Variants in RUSC2 observed in about 807,000 individuals in gnomAD.
RUSC2 encodes the protein AP-4 complex accessory subunit RUSC2.
Under a neutral mutation model 122.2 loss-of-function variants are expected in RUSC2, and 34 were observed. The observed-to-expected ratio is 0.28, with a 90% CI of 0.21 to 0.37. The LOEUF (loss-of-function observed/expected upper bound fraction) is 0.37. RUSC2 is among the 10% of genes least tolerant of loss of function. RUSC2 has a pLI of 1.00. For synonymous variants in RUSC2, 784 were observed against 790.0 expected, an observed-to-expected ratio of 0.99 and a Z score of 0.13; for missense variants, 1,747 against 1,952.4, an observed-to-expected ratio of 0.89 and a Z score of 1.98.
chr9:35,531,802 G>A (rs998814140), intron 1 of RUSC2, among the ~76,000 whole-genome samples: 5 of 152,194 alleles, frequency 3.3e-5, no homozygotes, highest in Non-Finnish European at 2.9e-5. Context: ...AAGGCAGGCG[G>A]ATCACGAGGT....
Position 35,561,343 on chromosome 9 carries a change from C to T in RUSC2, c.4512C>T (p.Thr1504=), listed in dbSNP as rs1305105619. ...TGCCCCTGGCCTACGTGACATTGAC[C>T]CCAACTCCAAGTCCAACCCCTGGAA... ...GLVPLAYVTL[T]PTPSPTPGSS... Residue 1504 remains threonine (T), a synonymous_variant, in exon 12 of 12, where the codon ACC becomes ACT. Transcript: ENST00000361226. 3.7e-6 allele frequency: 6 copies of T among 1,613,866 alleles called. No homozygotes were observed. In the African/African-American group the frequency reaches 6.7e-5, roughly 18 times the overall value.
intron 1 of RUSC2, among the ~76,000 whole-genome samples, chr9:35,512,852 G>A (rs1165876037): frequency 6.6e-6 from 1 of 152,022 alleles, no homozygotes; most frequent in African/African-American, 2.4e-5. Context: ...GACAATTTTT[G>A]TAAAACCTCT....
chr9:35,524,922 G>C (rs902343427), intron 1 of RUSC2, among the ~76,000 whole-genome samples: 2 of 150,864 alleles, frequency 1.3e-5, no homozygotes, highest in Non-Finnish European at 2.9e-5. Context: ...AGTAAGCCAA[G>C]ATCGCACCAC....
At chr9:35,551,230 A>G (rs1479983382) in intron 2 of RUSC2, among the ~76,000 whole-genome samples, 1 of 152,242 alleles carries the variant, frequency 6.6e-6, no homozygotes, top group Non-Finnish European at 1.5e-5. Flanking sequence ...GCCAGATCTC[A>G]GAGGGTTTAG....
intron 1 of RUSC2, among the ~76,000 whole-genome samples, chr9:35,543,094 C>T (rs1289055950): frequency 6.6e-6 from 1 of 151,956 alleles, no homozygotes; most frequent in Non-Finnish European, 1.5e-5. Flanking sequence ...CCAGGGGAAA[C>T]GTAGTTATGT....
intron 1 of RUSC2, among the ~76,000 whole-genome samples, chr9:35,544,307 CTTT>C (rs55870659): frequency 2.7e-5 from 3 of 113,106 alleles, no homozygotes; most frequent in African/African-American, 6.8e-5. Context: ...GATCATATGT[CTTT>C]TTTTTTTTTT....
intron 1 of RUSC2, among the ~76,000 whole-genome samples, chr9:35,531,666 G>T (rs972446012): frequency 1.2e-4 from 18 of 152,322 alleles, no homozygotes; most frequent in Middle Eastern, 3.4e-3. Flanking sequence ...TTAGAGAGTG[G>T]TTATATGGAT....
At position 35,547,141 on chromosome 9, in the gene RUSC2, G is replaced by T. The variant is rs751304554; in HGVS notation, c.620G>T (p.Gly207Val). ...ACTATGGAGCTGGATGAGTGTGGGG[G>T]ACCTGGTGGGAGTGGCAGTGGGGGT... Reference protein sequence around the residue: ...AETMELDECGGPGGSGSGGGA... With the variant: ...AETMELDECGVPGGSGSGGGA... The change falls in exon 2 of 12, where the codon GGA (glycine) becomes GTA (valine). Residue 207 changes from glycine to valine, a missense_variant. Physicochemically the swap from Gly to Val is moderately radical, Grantham distance 109 (BLOSUM62 -3). Coordinates refer to ENST00000361226, the MANE Select transcript of RUSC2 (RefSeq NM_014806.5). This position sits in a 1 kb window ranked among gnomAD's most constrained non-coding sequence, Gnocchi z 4.6. The T allele has an allele frequency of 1.3e-5, 21 of 1,614,196 alleles. No individual in the cohort carries two copies. The South Asian group carries it at 2.3e-4, about 18-fold the overall frequency.
chr9:35,552,085 G>T (rs1821911785), intron 2 of RUSC2, among the ~76,000 whole-genome samples: 1 of 152,104 alleles, frequency 6.6e-6, no homozygotes, highest in African/African-American at 2.4e-5. Context: ...AGTAGGCCAG[G>T]TGTGGTGGCT....
intron 1 of RUSC2, among the ~76,000 whole-genome samples, chr9:35,514,805 A>T (rs1821073204): frequency 2.0e-5 from 3 of 152,164 alleles, no homozygotes; most frequent in Admixed American, 2.0e-4. Flanking sequence ...GGCCATCCTT[A>T]TGGCACAAGA....
rs1486315197 is a variant in RUSC2 at position 35,555,671 on chromosome 9, G to A, written c.2626G>A (p.Glu876Lys). Residue 876 changes from glutamate (E) to lysine (K), a missense_variant, in exon 3 of 12, where the codon GAG (glutamate) becomes AAG (lysine). Glu to Lys is a moderately conservative substitution (Grantham distance 56, BLOSUM62 1). Coordinates refer to ENST00000361226, the MANE Select transcript of RUSC2 (RefSeq NM_014806.5). The surrounding 1 kb of genome is among the most constrained non-coding windows in gnomAD (Gnocchi z 4.6). ...AGAGAGCCTGGCCCGGGGAGGTGGT[G>A]AGGGCAGCATGGCCACCAGGCCCAG... Reference protein sequence around the residue: ...RAESLARGGGEGSMATRPSNA... With the variant: ...RAESLARGGGKGSMATRPSNA... 16 of 1,601,482 alleles carry A rather than the reference G, an allele frequency of 1.0e-5. No homozygotes were observed. The highest frequency in any genetic ancestry group is 1.4e-5 in the Non-Finnish European group (16 of 1,179,216).
intron 8 of RUSC2, among the ~76,000 whole-genome samples, 199 bp from the exon 9 acceptor site, chr9:35,559,027 C>T (rs1822085087): frequency 6.6e-6 from 1 of 152,236 alleles, no homozygotes; most frequent in Non-Finnish European, 1.5e-5. Flanking sequence ...GACTCCACTC[C>T]AGGAGGAAAC....
intron 1 of RUSC2, among the ~76,000 whole-genome samples, chr9:35,543,607 T>C (rs1456904067): frequency 6.6e-6 from 1 of 152,198 alleles, no homozygotes; most frequent in Non-Finnish European, 1.5e-5. Context: ...CATGTTTATT[T>C]ACAAAAATGG....
chr9:35,491,827 T>TAGTCCCAGCAACTCAGGAGGCTGA lies in RUSC2; in HGVS notation c.-93+1680_-93+1703dup, dbSNP rs542631147. On this transcript the variant is annotated intron_variant, in intron 1 of 11. Coordinates refer to ENST00000361226, the MANE Select transcript of RUSC2 (RefSeq NM_014806.5). ...TACCGGGCATGGTGGTGTGCACATG[T>TAGTCCCAGCAACTCAGGAGGCTGA]AGTCCCAGCAACTCAGGAGGCTGAA... Among the ~76,000 whole-genome samples, 6 of 152,102 alleles carry TAGTCCCAGCAACTCAGGAGGCTGA rather than the reference T, an allele frequency of 3.9e-5. No individual in the cohort carries two copies. In the East Asian group the frequency reaches 5.8e-4, roughly 15 times the overall value.
intron 1 of RUSC2, among the ~76,000 whole-genome samples, chr9:35,539,449 T>C (rs186851530): frequency 6.6e-6 from 1 of 152,040 alleles, no homozygotes; most frequent in Non-Finnish European, 1.5e-5. Flanking sequence ...AAACAAAGGC[T>C]TAATAGGAGG....
chr9:35,545,344 G>A (rs61162598), intron 1 of RUSC2, among the ~76,000 whole-genome samples: 1 of 152,222 alleles, frequency 6.6e-6, no homozygotes, highest in Non-Finnish European at 1.5e-5. Flanking sequence ...TTACATGTGA[G>A]GAGTCGAAGG....
chr9:35,498,915 T>C (rs746014172), intron 1 of RUSC2, among the ~76,000 whole-genome samples: 2 of 151,744 alleles, frequency 1.3e-5, no homozygotes, highest in Non-Finnish European at 2.9e-5. Context: ...ACAATCCTTA[T>C]GGGATTGTTG....
chr9:35,524,049 C>T (rs563791819), intron 1 of RUSC2, among the ~76,000 whole-genome samples: 1 of 152,020 alleles, frequency 6.6e-6, no homozygotes, highest in African/African-American at 2.4e-5. Context: ...TTTGGCCAGG[C>T]GCAGTGGCTC....
At chr9:35,526,495 G>T (rs1416535999) in intron 1 of RUSC2, among the ~76,000 whole-genome samples, 1 of 152,194 alleles carries the variant, frequency 6.6e-6, no homozygotes, top group Non-Finnish European at 1.5e-5. Flanking sequence ...CTTAATGTTG[G>T]TGGTATTTTC....
Sources: gnomAD v4.1 joint callset for allele counts (sites outside exome capture counted in the v4.1 genomes callset) on GRCh38, gnomAD v4.1.1 for gene constraint, Gnocchi (gnomAD v3.1) non-coding constraint, MANE v1.5 for transcripts, NCBI Gene and HGNC (gene_info 2026-07-23, HGNC 2026-07-21) for gene names.